SLC25A21: variants seen among roughly 807,000 people sequenced by gnomAD.
The protein encoded by SLC25A21 is mitochondrial 2-oxodicarboxylate carrier.
SLC25A21 carries 47 observed loss-of-function variants against 43.8 expected under a neutral mutation model. The ratio of observed to expected loss-of-function variants is 1.07; its 90% CI spans 0.85 to 1.37. The LOEUF (loss-of-function observed/expected upper bound fraction) is 1.37, where lower values mean the gene tolerates loss of function less well. Among genes scored for constraint, SLC25A21 ranks in the 40% most tolerant of loss-of-function variants. SLC25A21 has a pLI of 0.00. For missense variants in SLC25A21, 352 were observed against 350.2 expected, an observed-to-expected ratio of 1.00 and a Z score of -0.04; for synonymous variants, 131 against 121.3, an observed-to-expected ratio of 1.08 and a Z score of -0.52.
intron 2 of SLC25A21, among the ~76,000 whole-genome samples, chr14:36,850,888 G>A (rs1413625017): frequency 6.6e-6 from 1 of 152,072 alleles, no homozygotes; most frequent in Non-Finnish European, 1.5e-5. Context: ...CATAATATAG[G>A]GAGTGCACAC....
chr14:37,130,249 GA>G (rs1212323479), intron 1 of SLC25A21, among the ~76,000 whole-genome samples: 2 of 152,046 alleles, frequency 1.3e-5, no homozygotes, highest in African/African-American at 4.8e-5. Flanking sequence ...TTGTGACAGA[GA>G]AAAACTCTGT....
chr14:36,864,226 CA>C (rs1399166641), intron 2 of SLC25A21, among the ~76,000 whole-genome samples: 1 of 152,130 alleles, frequency 6.6e-6, no homozygotes, highest in Non-Finnish European at 1.5e-5. Flanking sequence ...AACTCATAGG[CA>C]ATGATGAATT....
intron 1 of SLC25A21, among the ~76,000 whole-genome samples, chr14:37,049,663 G>A (rs1342785762): frequency 6.6e-6 from 1 of 152,094 alleles, no homozygotes; most frequent in Admixed American, 6.5e-5. Context: ...GATATATAAT[G>A]AGACCCACAT....
chr14:36,995,343 G>A (rs764575782), intron 1 of SLC25A21, among the ~76,000 whole-genome samples: 9 of 151,998 alleles, frequency 5.9e-5, no homozygotes, highest in African/African-American at 1.4e-4. Context: ...TCTGTTGGTC[G>A]TTTTGCTTAT....
chr14:36,937,476 T>C (rs1209240390), intron 1 of SLC25A21, among the ~76,000 whole-genome samples: 1 of 152,188 alleles, frequency 6.6e-6, no homozygotes, highest in Non-Finnish European at 1.5e-5. Context: ...TTGCGGCCTA[T>C]TGGTGATAAA....
intron 2 of SLC25A21, among the ~76,000 whole-genome samples, chr14:36,862,708 T>C (rs1472845829): frequency 1.3e-5 from 2 of 152,104 alleles, no homozygotes; most frequent in Non-Finnish European, 2.9e-5. Flanking sequence ...TGTATACCTA[T>C]ATAACAAACC....
intron 1 of SLC25A21, among the ~76,000 whole-genome samples, chr14:36,881,747 T>G (rs539870326): frequency 6.6e-6 from 1 of 152,180 alleles, no homozygotes; most frequent in South Asian, 2.1e-4. Flanking sequence ...GTCATTCCTG[T>G]GCTTTCCTTC....
intron 1 of SLC25A21, among the ~76,000 whole-genome samples, chr14:37,132,840 C>T (rs1963413862): frequency 1.3e-5 from 2 of 151,980 alleles, no homozygotes; most frequent in South Asian, 4.2e-4. Flanking sequence ...AGGTGATCCT[C>T]CCACTTCAGC....
chr14:36,692,929 G>A (rs1882852147), intron 7 of SLC25A21, among the ~76,000 whole-genome samples: 2 of 152,174 alleles, frequency 1.3e-5, no homozygotes, highest in Admixed American at 6.5e-5. Context: ...GGTCCTACAA[G>A]GAGTTACATG....
At chr14:37,091,677 C>A (rs1410063983) in intron 1 of SLC25A21, among the ~76,000 whole-genome samples, 1 of 152,138 alleles carries the variant, frequency 6.6e-6, no homozygotes, top group Non-Finnish European at 1.5e-5. Context: ...TGAGAAAGAA[C>A]CATAAGTATT....
At chr14:36,883,686 A>T (rs1034951266) in intron 1 of SLC25A21, among the ~76,000 whole-genome samples, 3 of 152,166 alleles carry the variant, frequency 2.0e-5, no homozygotes, top group Admixed American at 2.0e-4. Flanking sequence ...AGAGAATAAA[A>T]CTGCTACAAT....
At chr14:36,742,400 G>GACACTAC (rs937074749) in intron 3 of SLC25A21, among the ~76,000 whole-genome samples, 5 of 152,144 alleles carry the variant, frequency 3.3e-5, no homozygotes, top group African/African-American at 1.2e-4. Context: ...TTCTGGTCCT[G>GACACTAC]ACACTACACA....
chr14:36,821,353 T>G lies in SLC25A21; in HGVS notation c.120-7352A>C, dbSNP rs186173888. Among the ~76,000 whole-genome samples the G allele has an allele frequency of 2.8e-3, 420 of 152,094 alleles. 4 individuals are homozygous for G. Among genetic ancestry groups the G allele is most frequent in the Non-Finnish European group, 6.2e-4 (42 of 67,978 alleles). ...ATGACACTGCTGGTTTTGAAGATAG[T>G]TTTTTTTAGCAAGTACTGGGCAGGG... On this transcript the variant is annotated intron_variant, in intron 2 of 9. Transcript: ENST00000331299.
chr14:37,051,493 T>C (rs1359097649), intron 1 of SLC25A21, among the ~76,000 whole-genome samples: 2 of 152,224 alleles, frequency 1.3e-5, no homozygotes, highest in African/African-American at 4.8e-5. Flanking sequence ...ACTGAACTCC[T>C]AGGCTATGGT....
intron 1 of SLC25A21, among the ~76,000 whole-genome samples, chr14:37,132,878 A>G (rs761566084): frequency 4.6e-5 from 7 of 151,848 alleles, no homozygotes; most frequent in East Asian, 3.9e-4. Flanking sequence ...CTACAGGCAC[A>G]CACCACCATA....
chr14:36,954,449 G>C (rs532372430), intron 1 of SLC25A21, among the ~76,000 whole-genome samples: 2 of 151,236 alleles, frequency 1.3e-5, no homozygotes, highest in South Asian at 4.2e-4. Context: ...CCCCAACTTA[G>C]GTTTCCATTA....
Position 37,172,454 on chromosome 14 carries a change from G to C in SLC25A21, c.-104C>G, listed in dbSNP as rs1057564. 0.042 allele frequency: 50,295 copies of C among 1,200,076 alleles called. 1,484 individuals carry two copies. The highest frequency in any genetic ancestry group is 0.13 in the African/African-American group (8,656 of 66,410). 74.3% of individuals were successfully genotyped at this position (1,200,076 alleles called of 1,614,324 possible). ...GAGCCCCGGCTGGGCTGGTCCTCAA[G>C]CGCGTTGGCTCCCTGTGGAGCAGCA... is the stretch of plus-strand genomic sequence containing the variant. On this transcript the variant is annotated 5_prime_UTR_variant, in exon 1 of 10. Coordinates refer to ENST00000331299, the MANE Select transcript of SLC25A21 (RefSeq NM_030631.4).
intron 1 of SLC25A21, among the ~76,000 whole-genome samples, chr14:37,010,036 C>A (rs1479867661): frequency 6.6e-6 from 1 of 152,190 alleles, no homozygotes; most frequent in South Asian, 2.1e-4. Flanking sequence ...TCAAATTATA[C>A]TGTGCTATTT....
chr14:36,981,320 C>A (rs1960016105), intron 1 of SLC25A21, among the ~76,000 whole-genome samples: 1 of 152,150 alleles, frequency 6.6e-6, no homozygotes, highest in South Asian at 2.1e-4. Flanking sequence ...TCATTTGACC[C>A]AGCCATACCA....
Sources: allele counts gnomAD v4.1 joint callset (sites outside exome capture counted in the v4.1 genomes callset), GRCh38; gene constraint gnomAD v4.1.1; transcripts MANE v1.5; gene names NCBI Gene and HGNC (gene_info 2026-07-23, HGNC 2026-07-21).